The following MED29 variants were observed in gnomAD, a reference collection of about 807,000 sequenced individuals.
MED29 encodes the protein mediator complex subunit 29.
A neutral mutation model predicts 22.0 loss-of-function variants in MED29; 14 were observed. The observed-to-expected ratio is 0.64, with a 90% confidence interval of 0.42 to 0.99. MED29 has a LOEUF of 0.99. Among genes scored for constraint, MED29 ranks in the 50% least tolerant of loss-of-function variants. The probability of loss-of-function intolerance (pLI) is 0.00; values close to 1 mark genes in which losing one functional copy is unlikely to be tolerated. For missense variants in MED29, 241 were observed against 253.7 expected (o/e 0.95, Z 0.34); for synonymous variants, 123 against 107.8 (o/e 1.14, Z -0.87).
At chr19:39,392,175 A>G (rs1441165201) in intron 1 of MED29, among the ~76,000 whole-genome samples, 2 of 152,144 alleles carry the variant, frequency 1.3e-5, no homozygotes, top group East Asian at 1.9e-4. Flanking sequence ...TCTGGTCGTT[A>G]AAGCCTGAGG....
chr19:39,391,439 A>T lies in MED29; in HGVS notation c.17A>T (p.Gln6Leu). 1 of 1,613,208 alleles carries T rather than the reference A, an allele frequency of 6.2e-7. No homozygotes were observed. Among genetic ancestry groups the T allele is most frequent in the Non-Finnish European group, 8.5e-7 (1 of 1,179,244 alleles). ...GCGAGGAAGATGGCTGCATCCCAGC[A>T]GCAAGCTTCAGCGGCTTCCTCAGCT... MAASQ[Q>L]QASAASSAAG... The change falls in exon 1 of 4, where the codon CAG becomes CTG. Residue 6 changes from glutamine (Q) to leucine (L), a missense_variant. Transcript: ENST00000315588.
intron 3 of MED29, among the ~76,000 whole-genome samples, chr19:39,394,364 C>A (rs1354646856): frequency 6.6e-6 from 1 of 151,974 alleles, no homozygotes; most frequent in Non-Finnish European, 1.5e-5. Context: ...CAGTTTCAAG[C>A]GATTCTGGTG....
intron 2 of MED29, 69 bp downstream of exon 2, chr19:39,392,591 C>G: frequency 7.2e-7 from 1 of 1,391,494 alleles, no homozygotes; most frequent in South Asian, 1.2e-5. Context: ...CTTTCCTTCT[C>G]CTGCTCCCCG....
rs767988361 is a variant in MED29 at position 39,393,638 on chromosome 19, G to T, written c.360+1G>T. On this transcript the variant is annotated splice_donor_variant, in intron 3 of 3. Coordinates refer to ENST00000315588, the MANE Select transcript of MED29 (RefSeq NM_017592.4). LOFTEE classifies it high-confidence loss of function. ...CTGTGACCAGCTGGAGCTGTGCCTG[G>T]TAAGAAGCCTTCTGGACACGGGGTA... The T allele has an allele frequency of 6.2e-7, 1 of 1,613,748 alleles. No individual in the cohort carries two copies. Among genetic ancestry groups the T allele is most frequent in the Non-Finnish European group, 8.5e-7 (1 of 1,179,648 alleles).
At chr19:39,393,055 C>T in intron 2 of MED29, among the ~76,000 whole-genome samples, 1 of 129,784 alleles carries the variant, frequency 7.7e-6, no homozygotes. Context: ...CAGCCTTTTC[C>T]TTTTCTTTCT....
chr19:39,392,082 C>T (rs1378926229), intron 1 of MED29, among the ~76,000 whole-genome samples: 2 of 152,098 alleles, frequency 1.3e-5, no homozygotes, highest in Non-Finnish European at 2.9e-5. Flanking sequence ...AAGCGAAGCT[C>T]GGCAGAGATG....
intron 1 of MED29, 39 bp from the exon 2 acceptor site, chr19:39,392,425 T>G: frequency 6.8e-7 from 1 of 1,468,540 alleles, no homozygotes; most frequent in Non-Finnish European, 9.1e-7. Context: ...TCCCTTTTGT[T>G]TTTCCATTTC....
At chr19:39,392,829 C>T in intron 2 of MED29, 1 of 312,202 alleles carries the variant, frequency 3.2e-6, no homozygotes. Flanking sequence ...GAGACGGAGT[C>T]TTGCTATGTT....
intron 3 of MED29, among the ~76,000 whole-genome samples, chr19:39,395,916 CAAAA>C (rs35433105): frequency 7.3e-6 from 1 of 136,814 alleles, no homozygotes; most frequent in South Asian, 2.4e-4. Context: ...GACTCCGTCT[CAAAA>C]AAAAAAAAGG....
intron 3 of MED29, among the ~76,000 whole-genome samples, chr19:39,395,887 A>G (rs1223732629): frequency 1.3e-5 from 2 of 151,952 alleles, no homozygotes; most frequent in African/African-American, 2.4e-5. Flanking sequence ...ACTGCACTCC[A>G]GCCTGGGTGA....
rs767594860 is a variant in MED29, at chr19:39,391,517, C to A, written c.95C>A (p.Pro32Gln). The A allele has an allele frequency of 3.7e-6, 6 of 1,612,940 alleles. No homozygotes were observed. In the African/African-American group the frequency reaches 8.0e-5, roughly 22 times the overall value. ...SAGGPGPQQQ[P>Q]QPPAQLVGPA... ...GGCGGCCCGGGTCCCCAGCAGCAGC[C>A]GCAACCGCCAGCACAACTGGTGGGC... The change falls in exon 1 of 4, where the codon CCG becomes CAG. Residue 32 changes from proline to glutamine, a missense_variant. Physicochemically the swap from Pro to Gln is moderately conservative, Grantham distance 76. Transcript: ENST00000315588.
Position 39,398,905 on chromosome 19 carries a change from C to T in MED29, c.*1206C>T, listed in dbSNP as rs962567260. On this transcript the variant is annotated 3_prime_UTR_variant, in exon 4 of 4. Coordinates refer to ENST00000315588, the MANE Select transcript of MED29 (RefSeq NM_017592.4). ...GGATACCTCTGTGATTCACGCTGAG[C>T]CCAAGTCCCCACACTGGAAAACTGG... The T allele has an allele frequency of 6.6e-6, 1 of 152,184 alleles. No individual in the cohort carries two copies. The highest frequency in any genetic ancestry group is 2.4e-5 in the African/African-American group (1 of 41,416). The allele number at this position is 152,184 out of a possible 1,614,324, so 9.4% of individuals were successfully genotyped here.
At position 39,397,938 on chromosome 19, in the gene MED29, C is replaced by T; in HGVS notation, c.*239C>T. 1.6e-6 allele frequency: 1 copy of T among 638,586 alleles called. No homozygotes were observed. Among genetic ancestry groups the T allele is most frequent in the African/African-American group, 1.8e-5 (1 of 54,732 alleles). The allele number at this position is 638,586 out of a possible 1,614,324, so 39.6% of individuals were successfully genotyped here. A position where few individuals can be genotyped will look rare whatever the true frequency, so the allele number is the denominator to read the frequency against. ...GACTTTGAACTGTGTGTGTTGATGACTTCTCTGTTCCACAGGCCCTCCCCC... is the reference window on the plus strand; with the variant it reads ...GACTTTGAACTGTGTGTGTTGATGATTTCTCTGTTCCACAGGCCCTCCCCC... On this transcript the variant is annotated 3_prime_UTR_variant, in exon 4 of 4. Transcript: ENST00000315588.
intron 1 of MED29, among the ~76,000 whole-genome samples, chr19:39,392,157 A>G (rs1029636935): frequency 2.6e-5 from 4 of 152,146 alleles, no homozygotes; most frequent in African/African-American, 9.7e-5. Context: ...TTAAAGGAGA[A>G]ACTGGGCTCT....
At chr19:39,394,283 G>T (rs796397374) in intron 3 of MED29, among the ~76,000 whole-genome samples, 5 of 152,138 alleles carry the variant, frequency 3.3e-5, no homozygotes, top group African/African-American at 1.2e-4. Flanking sequence ...GGGTGTGGGG[G>T]AGGACAGTCT....
At chr19:39,392,376 G>A (rs377401396) in intron 1 of MED29, 88 bp from the exon 2 acceptor site, 11 of 1,177,064 alleles carry the variant, frequency 9.3e-6, no homozygotes, top group Middle Eastern at 3.9e-4. Context: ...ACCTGAGACT[G>A]AGTGATCTCA....
chr19:39,392,693 C>A lies in MED29; in HGVS notation c.275+171C>A, dbSNP rs1253506887. On this transcript the variant is annotated intron_variant, in intron 2 of 3. Coordinates refer to ENST00000315588, the MANE Select transcript of MED29 (RefSeq NM_017592.4). ...CCAGGCTGGACTACAGTGGCACGAT[C>A]TTGGCTCATTGCAGCCTTGAACACC... 8.5e-6 allele frequency: 5 copies of A among 591,044 alleles called. No homozygotes were observed. The Admixed American group carries it at 1.7e-4, about 20-fold the overall frequency. The allele number at this position is 591,044 out of a possible 1,614,324, so 36.6% of individuals were successfully genotyped here.
At chr19:39,396,742 A>AT (rs1568379566) in intron 3 of MED29, among the ~76,000 whole-genome samples, 1 of 147,078 alleles carries the variant, frequency 6.8e-6, no homozygotes, top group Non-Finnish European at 1.5e-5. Context: ...AAAAAAAAAA[A>AT]GCCTGGGCGC....
At chr19:39,397,286 G>A (rs1328865628) in intron 3 of MED29, among the ~76,000 whole-genome samples, 171 bp from the exon 4 acceptor site, 2 of 152,210 alleles carry the variant, frequency 1.3e-5, no homozygotes. Flanking sequence ...GCTCAGAGAA[G>A]AGTAGCCGCC....
Sources: gnomAD v4.1 joint callset for allele counts (sites outside exome capture counted in the v4.1 genomes callset) on GRCh38, gnomAD v4.1.1 for gene constraint, MANE v1.5 for transcripts, NCBI Gene and HGNC (gene_info 2026-07-23, HGNC 2026-07-21) for gene names.